Variants in ADAMTSL1 observed in about 807,000 individuals in gnomAD.
The protein encoded by ADAMTSL1 is ADAMTS like 1.
In ADAMTSL1, 126 loss-of-function variants were observed where a neutral mutation model predicts 201.8. That is an observed-to-expected ratio of 0.62 (90% CI 0.54 to 0.72). The LOEUF (loss-of-function observed/expected upper bound fraction) is 0.72, where lower values mean the gene tolerates loss of function less well. Ranked by LOEUF, ADAMTSL1 falls within the 30% of genes least tolerant of loss-of-function variation. The pLI is 0.00. For synonymous variants in ADAMTSL1, 1,121 were observed against 903.4 expected (o/e 1.24, Z -4.32); for missense variants, 2,679 against 2,277.8 (o/e 1.18, Z -3.59).
chr9:18,811,036 C>CAAAAAAAAAAAAAAAAAAAAAAAAAAA (rs1823474426), intron 20 of ADAMTSL1, among the ~76,000 whole-genome samples: 1 of 88,126 alleles, frequency 1.1e-5, no homozygotes, highest in Non-Finnish European at 2.1e-5. Flanking sequence ...AAAAAAAAAA[C>CAAAAAAAAAAAAAAAAAAAAAAAAAAA]AAACACCAGC....
At chr9:17,943,367 G>A (rs1271816930) in intron 1 of ADAMTSL1, among the ~76,000 whole-genome samples, 2 of 152,090 alleles carry the variant, frequency 1.3e-5, no homozygotes, top group East Asian at 3.9e-4. Flanking sequence ...ATTGTATTTT[G>A]GGGAGTTTAG....
chr9:18,240,276 A>G (rs1352231189), intron 2 of ADAMTSL1, among the ~76,000 whole-genome samples: 2 of 152,114 alleles, frequency 1.3e-5, no homozygotes, highest in Non-Finnish European at 2.9e-5. Context: ...ATCTCCTTAC[A>G]TCTCTATCAG....
intron 1 of ADAMTSL1, among the ~76,000 whole-genome samples, chr9:18,138,760 T>C (rs1338971128): frequency 1.3e-5 from 2 of 152,138 alleles, no homozygotes; most frequent in African/African-American, 2.4e-5. Flanking sequence ...GAACTCCTGC[T>C]GGAGCACCAG....
intron 1 of ADAMTSL1, among the ~76,000 whole-genome samples, chr9:18,502,197 G>A (rs1029344340): frequency 4.6e-5 from 7 of 152,186 alleles, no homozygotes; most frequent in African/African-American, 1.7e-4. Flanking sequence ...TGCTTTTGCA[G>A]TTGTAGTAAC....
chr9:18,368,717 T>G (rs1218510395), intron 2 of ADAMTSL1, among the ~76,000 whole-genome samples: 2 of 152,208 alleles, frequency 1.3e-5, no homozygotes, highest in Admixed American at 1.3e-4. Context: ...GTGGTGAGGT[T>G]AGAACCATCA....
intron 1 of ADAMTSL1, among the ~76,000 whole-genome samples, chr9:18,128,960 CAT>C (rs1482876526): frequency 2.0e-5 from 3 of 152,094 alleles, no homozygotes; most frequent in African/African-American, 7.2e-5. Context: ...ATAATAAAAA[CAT>C]AGAGGCAATC....
At chr9:18,838,505 C>T (rs1424447463) in intron 23 of ADAMTSL1, among the ~76,000 whole-genome samples, 1 of 151,700 alleles carries the variant, frequency 6.6e-6, no homozygotes, top group Non-Finnish European at 1.5e-5. Flanking sequence ...CCTCAGGTGG[C>T]TCCAGTTTAA....
chr9:18,025,208 T>C (rs2131591915), intron 1 of ADAMTSL1, among the ~76,000 whole-genome samples: 1 of 152,214 alleles, frequency 6.6e-6, no homozygotes, highest in Admixed American at 6.6e-5. Flanking sequence ...ATTTAGTAGG[T>C]TGTCTGTTTA....
chr9:18,111,757 C>T (rs552592413), intron 1 of ADAMTSL1, among the ~76,000 whole-genome samples: 3 of 152,172 alleles, frequency 2.0e-5, no homozygotes, highest in South Asian at 2.1e-4. Context: ...GTTGGGGTCA[C>T]GGTTTTCATA....
At chr9:18,615,786 T>C (rs1825665973) in intron 4 of ADAMTSL1, among the ~76,000 whole-genome samples, 4 of 152,204 alleles carry the variant, frequency 2.6e-5, no homozygotes, top group Admixed American at 6.5e-5. Context: ...TTGACAACTA[T>C]AGTCTATTGG....
chr9:18,806,350 C>A (rs980282429), intron 20 of ADAMTSL1, among the ~76,000 whole-genome samples: 1 of 152,210 alleles, frequency 6.6e-6, no homozygotes, highest in African/African-American at 2.4e-5. Flanking sequence ...GTTCCATGCT[C>A]ATAGCTAACT....
intron 1 of ADAMTSL1, among the ~76,000 whole-genome samples, chr9:17,981,719 A>T (rs1361552544): frequency 6.6e-6 from 1 of 152,172 alleles, no homozygotes; most frequent in African/African-American, 2.4e-5. Flanking sequence ...AATCTATTCA[A>T]GGTTCACTGT....
intron 2 of ADAMTSL1, among the ~76,000 whole-genome samples, chr9:18,214,991 T>G (rs536583952): frequency 6.6e-6 from 1 of 152,302 alleles, no homozygotes; most frequent in South Asian, 2.1e-4. Flanking sequence ...TGTTTGGTTT[T>G]CTTTATAACT....
chr9:18,728,192 GTTAGGTCTACC>G (rs1230311021), intron 15 of ADAMTSL1, among the ~76,000 whole-genome samples: 1 of 152,082 alleles, frequency 6.6e-6, no homozygotes, highest in Non-Finnish European at 1.5e-5. Flanking sequence ...AAATCAAGGG[GTTAGGTCTACC>G]TTCCCATCAT....
At chr9:18,061,075 C>T (rs1002135065) in intron 1 of ADAMTSL1, among the ~76,000 whole-genome samples, 7 of 152,098 alleles carry the variant, frequency 4.6e-5, no homozygotes, top group African/African-American at 1.7e-4. Flanking sequence ...TAAGAATGAA[C>T]TTTATTTTTT....
chr9:18,396,654 C>T (rs566550584), intron 2 of ADAMTSL1, among the ~76,000 whole-genome samples: 51 of 150,480 alleles, frequency 3.4e-4, no homozygotes, highest in African/African-American at 8.0e-4. Flanking sequence ...AATAGAGTAC[C>T]AGCCTTTATC....
chr9:18,223,465 T>G (rs1018418265), intron 2 of ADAMTSL1, among the ~76,000 whole-genome samples: 2 of 152,100 alleles, frequency 1.3e-5, no homozygotes, highest in African/African-American at 4.8e-5. Flanking sequence ...TTTTTGCTTC[T>G]TTTGTTGTAT....
At chr9:18,078,527 G>A (rs572467725) in intron 1 of ADAMTSL1, among the ~76,000 whole-genome samples, 13 of 152,264 alleles carry the variant, frequency 8.5e-5, no homozygotes, top group Non-Finnish European at 1.6e-4. Context: ...AGGGAGAGAG[G>A]AGAGGAAAGA....
chr9:18,097,040 T>C (rs1410497409), intron 1 of ADAMTSL1, among the ~76,000 whole-genome samples: 1 of 152,220 alleles, frequency 6.6e-6, no homozygotes, highest in Non-Finnish European at 1.5e-5. Context: ...TCAAGATACA[T>C]GGCGGTTCCA....
Sources: allele counts gnomAD v4.1 joint callset (sites outside exome capture counted in the v4.1 genomes callset), GRCh38; gene constraint gnomAD v4.1.1; transcripts MANE v1.5; gene names NCBI Gene and HGNC (gene_info 2026-07-23, HGNC 2026-07-21).